Variants in NDUFA8 observed in about 807,000 individuals in gnomAD.
NDUFA8 encodes NADH dehydrogenase [ubiquinone] 1 alpha subcomplex subunit 8.
Under a neutral mutation model 20.9 loss-of-function variants are expected in NDUFA8, and 16 were observed. The observed-to-expected ratio is 0.77, with a 90% confidence interval of 0.52 to 1.16. The LOEUF (loss-of-function observed/expected upper bound fraction) is 1.16. NDUFA8 is among the 50% of genes most tolerant of loss of function. The probability of loss-of-function intolerance (pLI) is 0.00; values close to 1 mark genes in which losing one functional copy is unlikely to be tolerated. For synonymous variants in NDUFA8, 70 were observed against 76.1 expected, an observed-to-expected ratio of 0.92 and a Z score of 0.41; for missense variants, 202 against 216.4, an observed-to-expected ratio of 0.93 and a Z score of 0.42.
chr9:122,135,997 C>G, the NDUFA8 span, among the ~76,000 whole-genome samples: 1 of 152,206 alleles, frequency 6.6e-6, no homozygotes, highest in African/African-American at 2.4e-5. Flanking sequence ...AACAAATAAT[C>G]GCCATGTAAT....
At chr9:122,144,053 A>G, downstream of NDUFA8, 1 of 1,446,488 alleles carries the variant, frequency 6.9e-7, no homozygotes, top group Non-Finnish European at 9.0e-7. Context: ...AATAAAATAC[A>G]ACCGTTTCCT....
At chr9:122,140,922 A>G (rs1828809758), downstream of NDUFA8, among the ~76,000 whole-genome samples, 1 of 152,156 alleles carries the variant, frequency 6.6e-6, no homozygotes, top group African/African-American at 2.4e-5. Flanking sequence ...AGACAGCCCA[A>G]CTCTAGAGCC....
the NDUFA8 span, among the ~76,000 whole-genome samples, chr9:122,136,850 C>T: frequency 1.3e-5 from 2 of 152,090 alleles, no homozygotes; most frequent in African/African-American, 2.4e-5. Flanking sequence ...CCACCGCGCC[C>T]GGCTGCCTTT....
chr9:122,150,964 T>C (rs1588293278), intron 2 of NDUFA8, among the ~76,000 whole-genome samples: 2 of 92,436 alleles, frequency 2.2e-5, no homozygotes, highest in African/African-American at 8.4e-5. Context: ...AGAGTGAGAC[T>C]CCGTCTCAAA....
intron 1 of NDUFA8, among the ~76,000 whole-genome samples, chr9:122,155,273 T>C (rs1829061199): frequency 6.6e-6 from 1 of 152,194 alleles, no homozygotes; most frequent in African/African-American, 2.4e-5. Context: ...GAGACGGGGT[T>C]CCTCCATGTT....
chr9:122,132,734 T>C, the NDUFA8 span, among the ~76,000 whole-genome samples: 2 of 152,106 alleles, frequency 1.3e-5, no homozygotes, highest in African/African-American at 4.8e-5. Flanking sequence ...TGGTTTCTAG[T>C]CTAGATCAAG....
chr9:122,148,941 A>G (rs1828948313), intron 2 of NDUFA8, among the ~76,000 whole-genome samples: 1 of 152,200 alleles, frequency 6.6e-6, no homozygotes, highest in African/African-American at 2.4e-5. Flanking sequence ...GGCTAGAGAA[A>G]ATTTAACTTC....
chr9:122,150,009 T>C (rs1364126402), intron 2 of NDUFA8, among the ~76,000 whole-genome samples: 2 of 152,082 alleles, frequency 1.3e-5, no homozygotes, highest in African/African-American at 4.8e-5. Context: ...TCAATCTCGC[T>C]GGCAATCAAA....
intron 1 of NDUFA8, among the ~76,000 whole-genome samples, chr9:122,158,159 A>C (rs1018783538): frequency 1.3e-5 from 2 of 152,074 alleles, no homozygotes; most frequent in African/African-American, 4.8e-5. Context: ...AAAAACAACA[A>C]AACAAACAAA....
chr9:122,134,964 G>T, the NDUFA8 span, among the ~76,000 whole-genome samples: 2 of 152,228 alleles, frequency 1.3e-5, no homozygotes, highest in African/African-American at 4.8e-5. Flanking sequence ...TGCACAACGG[G>T]TTCAAGCTGT....
In NDUFA8 at chr9:122,152,337, CT is replaced by C; in HGVS notation, c.122del (p.Lys41ArgfsTer17). On this transcript the variant is annotated frameshift_variant, in exon 2 of 4. Coordinates refer to ENST00000373768, the MANE Select transcript of NDUFA8 (RefSeq NM_014222.3). LOFTEE classifies it high-confidence loss of function. ...CTTCCCAGCGGCAGAGCATAAACTC[CT>C]TGTTGGGCTTATCACATTGAGCTCC... Reference protein sequence around the residue: ...HYGAQCDKPNKEFMLCRWEEK... With the variant: ...HYGAQCDKPNXEFMLCRWEEK... 6.2e-7 allele frequency: 1 copy of C among 1,614,148 alleles called. No individual in the cohort carries two copies. The highest frequency in any genetic ancestry group is 1.1e-5 in the South Asian group (1 of 91,080).
the NDUFA8 span, among the ~76,000 whole-genome samples, chr9:122,138,863 G>GGT: frequency 1.8e-5 from 2 of 108,914 alleles, no homozygotes; most frequent in African/African-American, 8.5e-5. Context: ...ACCAAGAAGA[G>GGT]GTGGGGGGGG....
At chr9:122,138,354 A>G in the NDUFA8 span, among the ~76,000 whole-genome samples, 1 of 152,196 alleles carries the variant, frequency 6.6e-6, no homozygotes, top group African/African-American at 2.4e-5. Context: ...TTGACCTTTT[A>G]TGCAACCATC....
downstream of NDUFA8, among the ~76,000 whole-genome samples, chr9:122,141,303 C>G (rs779567764): frequency 6.6e-6 from 1 of 151,998 alleles, no homozygotes; most frequent in Non-Finnish European, 1.5e-5. Context: ...AGCAGAGGCA[C>G]GTGGAGCAAA....
intron 2 of NDUFA8, among the ~76,000 whole-genome samples, chr9:122,151,324 C>T (rs917909926): frequency 1.3e-5 from 2 of 152,326 alleles, no homozygotes; most frequent in East Asian, 1.9e-4. Context: ...AAGTCCACTC[C>T]CCATCTCAGG....
intron 1 of NDUFA8, among the ~76,000 whole-genome samples, chr9:122,158,354 T>C (rs915124128): frequency 1.3e-5 from 2 of 152,090 alleles, no homozygotes; most frequent in African/African-American, 4.8e-5. Flanking sequence ...TGGTCTGGCC[T>C]TGTAGAAGCT....
chr9:122,152,467 A>G, intron 1 of NDUFA8, 59 bp from the exon 2 acceptor site: 1 of 1,552,218 alleles, frequency 6.4e-7, no homozygotes, highest in Non-Finnish European at 8.9e-7. Flanking sequence ...CCACTTTCTC[A>G]GCTTTACCTC....
chr9:122,146,472 ATT>A (rs765974140), intron 3 of NDUFA8, among the ~76,000 whole-genome samples: 6 of 152,232 alleles, frequency 3.9e-5, no homozygotes, highest in Non-Finnish European at 7.3e-5. Context: ...ATTATCAACT[ATT>A]TAAAATAATA....
intron 2 of NDUFA8, among the ~76,000 whole-genome samples, chr9:122,150,600 G>A (rs1023773120): frequency 3.3e-4 from 50 of 152,058 alleles, no homozygotes; most frequent in African/African-American, 1.1e-3. Context: ...AATCAACAAT[G>A]ATGTTCAATA....
Sources: allele counts gnomAD v4.1 joint callset (sites outside exome capture counted in the v4.1 genomes callset), GRCh38; gene constraint gnomAD v4.1.1; transcripts MANE v1.5; gene names NCBI Gene and HGNC (gene_info 2026-07-23, HGNC 2026-07-21).